The following FMN1 variants were observed in gnomAD, a reference collection of about 807,000 sequenced individuals.
The protein encoded by FMN1 is formin 1.
In FMN1, 110 loss-of-function variants were observed where a neutral mutation model predicts 132.4. That is an observed-to-expected ratio of 0.83 (90% CI 0.71 to 0.97). The LOEUF (loss-of-function observed/expected upper bound fraction) is 0.97, where lower values mean the gene tolerates loss of function less well. Ranked by LOEUF, FMN1 falls within the 50% of genes least tolerant of loss-of-function variation. The pLI is 0.00. For missense variants in FMN1, 1,792 were observed against 1,705.3 expected (o/e 1.05, Z -0.90); for synonymous variants, 722 against 651.7 (o/e 1.11, Z -1.64).
intron 4 of FMN1, among the ~76,000 whole-genome samples, chr15:33,113,984 A>G (rs2039813746): frequency 6.6e-6 from 1 of 152,208 alleles, no homozygotes; most frequent in South Asian, 2.1e-4. Context: ...GAATTGCTCT[A>G]GGCTCAGTTA....
intron 10 of FMN1, among the ~76,000 whole-genome samples, chr15:32,920,683 G>A (rs140631275): frequency 2.0e-3 from 300 of 152,212 alleles, no homozygotes; most frequent in Middle Eastern, 6.8e-3. Context: ...CAAGCCCTGC[G>A]TCTGCACCTG....
At chr15:32,826,744 TAC>T (rs1201880466) in intron 17 of FMN1, among the ~76,000 whole-genome samples, 1 of 152,206 alleles carries the variant, frequency 6.6e-6, no homozygotes, top group Non-Finnish European at 1.5e-5. Context: ...ATTAGAACAC[TAC>T]ATGATCTCAC....
Position 33,085,020 on chromosome 15 carries a change from T to C in FMN1, c.2043+3779A>G, listed in dbSNP as rs571932599. On this transcript the variant is annotated intron_variant, in intron 5 of 20. Coordinates refer to ENST00000616417, the MANE Select transcript of FMN1 (RefSeq NM_001277313.2). ...TGGTCCAATGTCTCAGGCTGATCAATATATTGCTTAGAGTCCAAAGCCCAC... is the reference window on the plus strand; with the variant it reads ...TGGTCCAATGTCTCAGGCTGATCAACATATTGCTTAGAGTCCAAAGCCCAC... Among the ~76,000 whole-genome samples, 7 of 152,344 alleles carry C rather than the reference T, an allele frequency of 4.6e-5. No homozygotes were observed. The East Asian group carries it at 1.3e-3, about 29-fold the overall frequency.
chr15:33,153,271 T>C lies in FMN1; in HGVS notation c.1644A>G (p.Glu548=). The C allele has an allele frequency of 6.5e-7, 1 of 1,536,154 alleles. No homozygotes were observed. The highest frequency in any genetic ancestry group is 1.2e-5 in the South Asian group (1 of 84,058). ...LRLPALPGER[E]AALNDSPCRK... ...TACAAGGAGAGTCATTAAGAGCAGC[T>C]TCCCTCTCACCAGGCAATGCAGGGA... Residue 548 remains glutamate, a synonymous_variant, in exon 4 of 21, where the codon GAA becomes GAG. Coordinates refer to ENST00000616417, the MANE Select transcript of FMN1 (RefSeq NM_001277313.2).
At chr15:32,992,858 G>A (rs2033523291) in intron 7 of FMN1, among the ~76,000 whole-genome samples, 1 of 152,016 alleles carries the variant, frequency 6.6e-6, no homozygotes, top group Non-Finnish European at 1.5e-5. Flanking sequence ...TATCAGTTTG[G>A]GCTCAGAGAG....
At position 32,792,479 on chromosome 15, in the gene FMN1, A is replaced by C. The variant is rs545408914; in HGVS notation, c.4130+6325T>G. Among the ~76,000 whole-genome samples the C allele has an allele frequency of 1.5e-4, 20 of 136,088 alleles. No homozygotes were observed. In the South Asian group the frequency reaches 3.9e-3, roughly 27 times the overall value. 89.3% of individuals were successfully genotyped at this position (136,088 alleles called of 152,430 possible). A position where few individuals can be genotyped will look rare whatever the true frequency, so the allele number is the denominator to read the frequency against. The stretch of plus-strand genomic sequence containing the variant: ...TAAAACAAACAAACAAAAAAAACCC[A>C]AAAAAACTAGCAGTGGCAAAGAATT... On this transcript the variant is annotated intron_variant, in intron 19 of 20. Coordinates refer to ENST00000616417, the MANE Select transcript of FMN1 (RefSeq NM_001277313.2).
chr15:32,917,478 T>C (rs1451082941), intron 10 of FMN1, among the ~76,000 whole-genome samples: 1 of 152,184 alleles, frequency 6.6e-6, no homozygotes, highest in African/African-American at 2.4e-5. Flanking sequence ...CAGGCAGACT[T>C]TATTGGGGAT....
In FMN1 at chr15:32,902,048, A is replaced by G. The variant is rs1451872742; in HGVS notation, c.3378-8T>C. On this transcript the variant is annotated splice_polypyrimidine_tract_variant and splice_region_variant and intron_variant, in intron 12 of 20. Transcript: ENST00000616417. The stretch of plus-strand genomic sequence containing the variant: ...GCTAACTCATGTAAAAATCTGTAAA[A>G]AAGAAAATGTGTCATCTACCTTCAC... The G allele has an allele frequency of 6.2e-7, 1 of 1,603,246 alleles. No homozygotes were observed. Among genetic ancestry groups the G allele is most frequent in the Non-Finnish European group, 8.5e-7 (1 of 1,176,486 alleles).
chr15:33,177,612 A>T (rs1447844314), intron 3 of FMN1, among the ~76,000 whole-genome samples: 1 of 152,222 alleles, frequency 6.6e-6, no homozygotes, highest in East Asian at 1.9e-4. Context: ...CAGTAAATTC[A>T]GCGCACAAAT....
intron 12 of FMN1, among the ~76,000 whole-genome samples, chr15:32,907,929 C>T (rs939550702): frequency 1.2e-4 from 18 of 151,940 alleles, no homozygotes; most frequent in Admixed American, 6.6e-5. Context: ...GTCTTCAAAG[C>T]CTATGGAACG....
intron 9 of FMN1, among the ~76,000 whole-genome samples, chr15:32,946,019 G>A (rs2061502920): frequency 6.6e-6 from 1 of 152,128 alleles, no homozygotes; most frequent in African/African-American, 2.4e-5. Context: ...GTGCCATATT[G>A]CTTCCAACAG....
intron 9 of FMN1, among the ~76,000 whole-genome samples, chr15:32,939,308 A>G (rs1282148305): frequency 6.6e-6 from 1 of 152,142 alleles, no homozygotes; most frequent in Non-Finnish European, 1.5e-5. Context: ...CAACCTCCTT[A>G]CCCAGATATA....
chr15:32,868,598 G>A (rs1317011969), intron 16 of FMN1, among the ~76,000 whole-genome samples: 1 of 152,152 alleles, frequency 6.6e-6, no homozygotes, highest in Non-Finnish European at 1.5e-5. Flanking sequence ...ACAGACATAT[G>A]CACATACACC....
chr15:32,770,861 T>A lies in FMN1; in HGVS notation c.*3449A>T. On this transcript the variant is annotated 3_prime_UTR_variant, in exon 21 of 21. Coordinates refer to ENST00000616417, the MANE Select transcript of FMN1 (RefSeq NM_001277313.2). The stretch of plus-strand genomic sequence containing the variant: ...CTTTATAATTCCTGAGTAGTTGCAG[T>A]GAGTGTGTAGAAAGACACCATCATC... 6.6e-6 allele frequency: 1 copy of A among 152,064 alleles called. No individual in the cohort carries two copies. Among genetic ancestry groups the A allele is most frequent in the Non-Finnish European group, 1.5e-5 (1 of 68,024 alleles). 9.4% of individuals were successfully genotyped at this position (152,064 alleles called of 1,614,324 possible). A position where few individuals can be genotyped will look rare whatever the true frequency, so the allele number is the denominator to read the frequency against.
chr15:33,050,651 A>C (rs1596554789), intron 6 of FMN1, among the ~76,000 whole-genome samples: 1 of 152,244 alleles, frequency 6.6e-6, no homozygotes, highest in East Asian at 1.9e-4. Context: ...TTGGTTTAAT[A>C]TTCTGAGAGG....
At chr15:32,965,764 G>A (rs139120225) in intron 8 of FMN1, among the ~76,000 whole-genome samples, 2 of 152,184 alleles carry the variant, frequency 1.3e-5, no homozygotes, top group Admixed American at 1.3e-4. Flanking sequence ...TTCGCCAATA[G>A]TTGAACCATG....
chr15:32,854,889 G>C (rs530449767), intron 17 of FMN1, among the ~76,000 whole-genome samples: 1 of 151,438 alleles, frequency 6.6e-6, no homozygotes, highest in Non-Finnish European at 1.5e-5. Context: ...ACTCCAGCCT[G>C]GGCAATGAGG....
intron 6 of FMN1, among the ~76,000 whole-genome samples, chr15:33,036,154 C>T (rs918815228): frequency 6.6e-6 from 1 of 152,162 alleles, no homozygotes; most frequent in African/African-American, 2.4e-5. Flanking sequence ...AAGCGACATA[C>T]AACAGGCTAA....
intron 7 of FMN1, among the ~76,000 whole-genome samples, chr15:32,991,091 T>C (rs1029742673): frequency 6.6e-5 from 10 of 152,194 alleles, no homozygotes; most frequent in Admixed American, 3.9e-4. Flanking sequence ...ACCAGCCACC[T>C]GCCTTTCTTT....
Sources: allele counts gnomAD v4.1 joint callset (sites outside exome capture counted in the v4.1 genomes callset), GRCh38; gene constraint gnomAD v4.1.1; transcripts MANE v1.5; gene names NCBI Gene and HGNC (gene_info 2026-07-23, HGNC 2026-07-21).